Variants in ANKRD28 observed in about 807,000 individuals in gnomAD.
The protein encoded by ANKRD28 is serine/threonine-protein phosphatase 6 regulatory ankyrin repeat subunit A.
A neutral mutation model predicts 126.5 loss-of-function variants in ANKRD28; 44 were observed. The observed-to-expected ratio is 0.35, with a 90% confidence interval of 0.27 to 0.45. The LOEUF (loss-of-function observed/expected upper bound fraction) is 0.45. Among genes scored for constraint, ANKRD28 ranks in the 20% least tolerant of loss-of-function variants. ANKRD28 has a pLI of 1.00. For missense variants in ANKRD28, 1,110 were observed against 1,316.6 expected (o/e 0.84, Z 2.43); for synonymous variants, 442 against 468.5 (o/e 0.94, Z 0.73).
intron 4 of ANKRD28, among the ~76,000 whole-genome samples, chr3:15,744,190 A>C (rs1442875214): frequency 6.6e-6 from 1 of 152,252 alleles, no homozygotes; most frequent in Non-Finnish European, 1.5e-5. Context: ...CCTTCTTTTC[A>C]AAAGAAAAAT....
intron 21 of ANKRD28, chr3:15,685,014 T>A (rs111733373): frequency 4.7e-5 from 27 of 574,592 alleles, no homozygotes; most frequent in African/African-American, 3.4e-4. Flanking sequence ...ATGGCTTATC[T>A]CAGAACACCT....
At chr3:15,855,172 T>G (rs1466819212) in intron 1 of ANKRD28, among the ~76,000 whole-genome samples, 1 of 152,180 alleles carries the variant, frequency 6.6e-6, no homozygotes, top group Non-Finnish European at 1.5e-5. Flanking sequence ...TTGTAAGATT[T>G]CCCAAGAACC....
intron 8 of ANKRD28, among the ~76,000 whole-genome samples, chr3:15,717,041 G>T (rs948119072): frequency 6.6e-6 from 1 of 152,180 alleles, no homozygotes; most frequent in Non-Finnish European, 1.5e-5. Flanking sequence ...CTATCAGATT[G>T]ATACCATTAA....
At chr3:15,722,831 C>A (rs1269979590) in intron 7 of ANKRD28, among the ~76,000 whole-genome samples, 2 of 152,088 alleles carry the variant, frequency 1.3e-5, no homozygotes. Flanking sequence ...AAGGAACCAA[C>A]CTTGCTGACC....
At position 15,773,427 on chromosome 3, in the gene ANKRD28, C is replaced by T. The variant is rs186288428; in HGVS notation, c.202-7115G>A. Among the ~76,000 whole-genome samples the T allele has an allele frequency of 5.3e-5, 8 of 152,186 alleles. No individual in the cohort carries two copies. In the East Asian group the frequency reaches 9.7e-4, roughly 18 times the overall value. On this transcript the variant is annotated intron_variant, in intron 2 of 27. Transcript: ENST00000683139. ...ATCACCTGAGGTCAAGAATTCAAGA[C>T]CAGCCTGGCCAACATGGCAAAACCC...
intron 2 of ANKRD28, among the ~76,000 whole-genome samples, chr3:15,793,690 T>A (rs1385047141): frequency 6.6e-6 from 1 of 152,188 alleles, no homozygotes; most frequent in Non-Finnish European, 1.5e-5. Flanking sequence ...TTTTCATGCG[T>A]CTATACCCCT....
intron 8 of ANKRD28, among the ~76,000 whole-genome samples, chr3:15,720,578 C>G (rs2073611395): frequency 6.6e-6 from 1 of 152,172 alleles, no homozygotes; most frequent in African/African-American, 2.4e-5. Flanking sequence ...ACATAAACCC[C>G]TGCCAAAATA....
At chr3:15,700,371 G>T (rs995215025) in intron 14 of ANKRD28, among the ~76,000 whole-genome samples, 4 of 151,940 alleles carry the variant, frequency 2.6e-5, no homozygotes, top group African/African-American at 7.2e-5. Flanking sequence ...GAGTTGATGG[G>T]TGCAGCAAAC....
At position 15,838,431 on chromosome 3, in the gene ANKRD28, A is replaced by G. The variant is rs2061364300; in HGVS notation, c.27+20946T>C. ...TAAACATAAGCTTATTATACGACCC[A>G]GCGATTCTACTCAAGAATCTTTGTG... On this transcript the variant is annotated intron_variant, in intron 1 of 27. Transcript: ENST00000399451. The surrounding 1 kb of genome is among the most constrained non-coding windows in gnomAD (Gnocchi z 4.0). Among the ~76,000 whole-genome samples the G allele has an allele frequency of 6.6e-6, 1 of 152,150 alleles. No homozygotes were observed. The highest frequency in any genetic ancestry group is 1.5e-5 in the Non-Finnish European group (1 of 68,026).
Position 15,797,948 on chromosome 3 carries a change from T to C in ANKRD28, c.-1427A>G. ...CAGACCCACAGGATGAAATGCCTAG[T>C]AATGCTCACATGTTACACTTACCAG... On this transcript the variant is annotated 5_prime_UTR_variant, in exon 1 of 28. Coordinates refer to ENST00000683139, the MANE Select transcript of ANKRD28 (RefSeq NM_001349278.2). 1 of 985,366 alleles carries C rather than the reference T, an allele frequency of 1.0e-6. No individual in the cohort carries two copies. 61.0% of individuals were successfully genotyped at this position (985,366 alleles called of 1,614,324 possible). A position where few individuals can be genotyped will look rare whatever the true frequency, so the allele number is the denominator to read the frequency against.
At chr3:15,775,149 T>C (rs1041864195) in intron 2 of ANKRD28, among the ~76,000 whole-genome samples, 2 of 152,236 alleles carry the variant, frequency 1.3e-5, no homozygotes, top group Admixed American at 6.5e-5. Flanking sequence ...AGTGGTGGGA[T>C]TACAGGCGTG....
At chr3:15,748,601 CT>C (rs113525155) in intron 4 of ANKRD28, among the ~76,000 whole-genome samples, 7 of 152,276 alleles carry the variant, frequency 4.6e-5, no homozygotes, top group African/African-American at 1.7e-4. Flanking sequence ...TTACCTGATG[CT>C]TTTGCCTCAC....
chr3:15,797,253 C>G lies in ANKRD28; in HGVS notation c.-732G>C, dbSNP rs546770277. Reference sequence around the variant, plus strand: ...CTGCATTAATAGCAAAGCTGCAGTACGTTTACATGTGATGAGTCAGACCAC... The same window carrying G: ...CTGCATTAATAGCAAAGCTGCAGTAGGTTTACATGTGATGAGTCAGACCAC... On this transcript the variant is annotated 5_prime_UTR_variant, in exon 1 of 28. Coordinates refer to ENST00000683139, the MANE Select transcript of ANKRD28 (RefSeq NM_001349278.2). 3 of 982,918 alleles carry G rather than the reference C, an allele frequency of 3.1e-6. No homozygotes were observed. The highest frequency in any genetic ancestry group is 2.3e-4 in the East Asian group (2 of 8,742). The allele number at this position is 982,918 out of a possible 1,614,324, so 60.9% of individuals were successfully genotyped here. A position where few individuals can be genotyped will look rare whatever the true frequency, so the allele number is the denominator to read the frequency against.
intron 3 of ANKRD28, 135 bp from the exon 4 acceptor site, chr3:15,751,955 G>A (rs1018450885): frequency 5.2e-6 from 3 of 579,526 alleles, no homozygotes; most frequent in Non-Finnish European, 2.9e-6. Context: ...TACACTTTCT[G>A]CTGATAAAAT....
chr3:15,695,505 C>T (rs368951253), intron 15 of ANKRD28, among the ~76,000 whole-genome samples: 4 of 152,084 alleles, frequency 2.6e-5, no homozygotes, highest in African/African-American at 4.8e-5. Flanking sequence ...TTTATATCTA[C>T]GCTCGTTGAA....
At chr3:15,802,516 GC>G (rs1473340690), upstream of ANKRD28, among the ~76,000 whole-genome samples, 1 of 152,094 alleles carries the variant, frequency 6.6e-6, no homozygotes, top group Non-Finnish European at 1.5e-5. Flanking sequence ...TATCCTTCGA[GC>G]CCTGTTCTTC....
chr3:15,736,899 G>T, intron 5 of ANKRD28, 134 bp downstream of exon 5: 2 of 886,682 alleles, frequency 2.3e-6, no homozygotes, highest in African/African-American at 1.7e-5. Context: ...AGTTATAAAA[G>T]GAGGCAAAAT....
chr3:15,707,361 A>G (rs1289963654), intron 14 of ANKRD28, among the ~76,000 whole-genome samples: 1 of 152,184 alleles, frequency 6.6e-6, no homozygotes, highest in Non-Finnish European at 1.5e-5. Context: ...TCTTGTTTTC[A>G]CTTATTCATT....
chr3:15,745,045 A>G (rs182411998), intron 4 of ANKRD28, among the ~76,000 whole-genome samples: 43 of 151,982 alleles, frequency 2.8e-4, no homozygotes, highest in African/African-American at 9.9e-4. Flanking sequence ...TCTTTTGACA[A>G]TTGTCTATTC....
Sources: allele counts gnomAD v4.1 joint callset (sites outside exome capture counted in the v4.1 genomes callset), GRCh38; gene constraint gnomAD v4.1.1; non-coding constraint Gnocchi (gnomAD v3.1); transcripts MANE v1.5; gene names NCBI Gene and HGNC (gene_info 2026-07-23, HGNC 2026-07-21).